ZMYM2: variants seen among roughly 807,000 people sequenced by gnomAD.
ZMYM2 encodes the protein zinc finger MYM-type protein 2.
A neutral mutation model predicts 162.8 loss-of-function variants in ZMYM2; 56 were observed. The ratio of observed to expected loss-of-function variants is 0.34; its 90% CI spans 0.28 to 0.43. The LOEUF (loss-of-function observed/expected upper bound fraction) is 0.43. ZMYM2 is among the 20% of genes least tolerant of loss of function. ZMYM2 has a pLI of 1.00. For missense variants in ZMYM2, 1,275 were observed against 1,621.8 expected, an observed-to-expected ratio of 0.79 and a Z score of 3.67; for synonymous variants, 510 against 541.6, an observed-to-expected ratio of 0.94 and a Z score of 0.81.
At chr13:20,022,596 A>T (rs1594414383) in intron 7 of ZMYM2, among the ~76,000 whole-genome samples, 1 of 152,236 alleles carries the variant, frequency 6.6e-6, no homozygotes, top group East Asian at 1.9e-4. Context: ...AGTCTGCTAA[A>T]AGAAAAATTG....
intron 15 of ZMYM2, chr13:20,059,017 A>C (rs987553497): frequency 6.8e-6 from 3 of 439,236 alleles, no homozygotes; most frequent in Admixed American, 3.3e-5. Context: ...ATCTCTTTGC[A>C]TGTGGTTTGT....
the ZMYM2 span, among the ~76,000 whole-genome samples, chr13:19,931,049 G>A: frequency 6.6e-6 from 1 of 150,972 alleles, no homozygotes; most frequent in East Asian, 2.0e-4. Flanking sequence ...TGAGGCAGGA[G>A]AATGGCGTGA....
intron 2 of ZMYM2, among the ~76,000 whole-genome samples, chr13:19,978,460 A>T (rs1956985629): frequency 6.6e-6 from 1 of 151,822 alleles, no homozygotes; most frequent in Non-Finnish European, 1.5e-5. Context: ...CTTGTTGCCC[A>T]GGCTGGAGGG....
At chr13:19,981,587 T>C (rs1049472614) in intron 2 of ZMYM2, among the ~76,000 whole-genome samples, 1 of 152,206 alleles carries the variant, frequency 6.6e-6, no homozygotes, top group Non-Finnish European at 1.5e-5. Context: ...TTTTCATCTA[T>C]TGGATTTTAA....
At position 20,058,571 on chromosome 13, in the gene ZMYM2, A is replaced by G. The variant is rs778185878; in HGVS notation, c.2494-4A>G. The G allele has an allele frequency of 1.1e-5, 17 of 1,611,008 alleles. No individual in the cohort carries two copies. In the East Asian group the frequency reaches 1.1e-4, roughly 11 times the overall value. ...TAAAAATGTTTCTCTTTGCTTCTCC[A>G]TAGGGTTCAGCACCACCCCCTTCTC... is the stretch of plus-strand genomic sequence containing the variant. On this transcript the variant is annotated splice_polypyrimidine_tract_variant and splice_region_variant and intron_variant, in intron 14 of 24. Transcript: ENST00000610343.
intron 7 of ZMYM2, among the ~76,000 whole-genome samples, chr13:20,021,873 T>G (rs1456414507): frequency 6.6e-6 from 1 of 152,188 alleles, no homozygotes; most frequent in Non-Finnish European, 1.5e-5. Context: ...GGTAGATGTA[T>G]TTTTAAGATC....
Position 20,033,413 on chromosome 13 carries a change from C to T in ZMYM2, c.1969-841C>T, listed in dbSNP as rs1236671349. 3.9e-5 allele frequency among the ~76,000 whole-genome samples: 6 copies of T among 152,130 alleles called. No individual in the cohort carries two copies. The East Asian group carries it at 9.6e-4, about 24-fold the overall frequency. On this transcript the variant is annotated intron_variant, in intron 10 of 24. Transcript: ENST00000610343. The stretch of plus-strand genomic sequence containing the variant: ...ATTGAGAATTCAGTGGTCTCTTTCT[C>T]CTCACTCCATGTGGCTTCTTTGTTG...
intron 10 of ZMYM2, among the ~76,000 whole-genome samples, chr13:20,032,065 T>G (rs1040630904): frequency 6.6e-6 from 1 of 151,884 alleles, no homozygotes; most frequent in Non-Finnish European, 1.5e-5. Context: ...GAGACGGGGT[T>G]TCACCATGTT....
At chr13:19,959,384 C>T (rs1350136320) in intron 1 of ZMYM2, among the ~76,000 whole-genome samples, 1 of 152,162 alleles carries the variant, frequency 6.6e-6, no homozygotes, top group Admixed American at 6.5e-5. Context: ...CGGGTCCCCT[C>T]CTTCGCTCTT....
the ZMYM2 span, among the ~76,000 whole-genome samples, chr13:19,918,011 C>T: frequency 5.3e-5 from 8 of 151,676 alleles, no homozygotes; most frequent in Admixed American, 2.0e-4. Flanking sequence ...GAGTCAAGAT[C>T]GTGCCACTGC....
At chr13:20,021,119 G>A (rs574284545) in intron 7 of ZMYM2, among the ~76,000 whole-genome samples, 2 of 152,064 alleles carry the variant, frequency 1.3e-5, no homozygotes, top group Admixed American at 1.3e-4. Context: ...GGGACTGCAG[G>A]TGCCCGCCAC....
At chr13:19,987,620 C>CATGTGT (rs1555288015) in intron 2 of ZMYM2, among the ~76,000 whole-genome samples, 1 of 121,300 alleles carries the variant, frequency 8.2e-6, no homozygotes, top group Non-Finnish European at 1.7e-5. Flanking sequence ...GGGGTTTTGT[C>CATGTGT]GTGTGTGTGT....
intron 2 of ZMYM2, among the ~76,000 whole-genome samples, chr13:19,970,759 C>T (rs925165716): frequency 1.1e-4 from 16 of 152,104 alleles, no homozygotes; most frequent in Admixed American, 3.3e-4. Context: ...ACCTTGCAGT[C>T]TTCTGGGGGT....
the ZMYM2 span, among the ~76,000 whole-genome samples, chr13:19,886,515 G>C: frequency 1.1e-4 from 16 of 151,794 alleles, no homozygotes; most frequent in Non-Finnish European, 4.4e-5. Context: ...ACATAGTACA[G>C]GTCTTCTAAG....
At chr13:19,941,319 A>C in the ZMYM2 span, among the ~76,000 whole-genome samples, 832 of 147,094 alleles carry the variant, frequency 5.7e-3, 5 homozygotes, top group Middle Eastern at 0.017. Context: ...ACAAACAAAA[A>C]AACAAAAAAA....
At chr13:19,964,574 G>C (rs1211917846) in intron 2 of ZMYM2, among the ~76,000 whole-genome samples, 1 of 152,028 alleles carries the variant, frequency 6.6e-6, no homozygotes, top group African/African-American at 2.4e-5. Flanking sequence ...CAGTAGGTTG[G>C]GTTTTTAAAA....
chr13:19,939,863 A>T, the ZMYM2 span, among the ~76,000 whole-genome samples: 1 of 152,160 alleles, frequency 6.6e-6, no homozygotes, highest in Non-Finnish European at 1.5e-5. Flanking sequence ...GGTAGGTACT[A>T]TTGTTTATAT....
chr13:19,888,902 A>G, the ZMYM2 span, among the ~76,000 whole-genome samples: 3 of 151,918 alleles, frequency 2.0e-5, no homozygotes, highest in Admixed American at 6.6e-5. Context: ...CTGGCCTATT[A>G]TTTATTTTGA....
At chr13:20,035,092 G>A (rs1953560531) in intron 11 of ZMYM2, among the ~76,000 whole-genome samples, 3 of 152,196 alleles carry the variant, frequency 2.0e-5, no homozygotes, top group South Asian at 4.1e-4. Context: ...TTGGTCCATG[G>A]CACTGAACTC....
Sources: gnomAD v4.1 joint callset for allele counts (sites outside exome capture counted in the v4.1 genomes callset) on GRCh38, gnomAD v4.1.1 for gene constraint, MANE v1.5 for transcripts, NCBI Gene and HGNC (gene_info 2026-07-23, HGNC 2026-07-21) for gene names.